ECT2: variants seen among roughly 807,000 people sequenced by gnomAD.
ECT2 encodes protein ECT2.
In ECT2, 61 loss-of-function variants were observed where a neutral mutation model predicts 116.9. That is an observed-to-expected ratio of 0.52 (90% CI 0.42 to 0.65). ECT2 has a LOEUF of 0.65. Ranked by LOEUF, ECT2 falls within the 30% of genes least tolerant of loss-of-function variation. ECT2 has a pLI of 0.00. For missense variants in ECT2, 937 were observed against 1,078.7 expected (o/e 0.87, Z 1.84); for synonymous variants, 358 against 346.4 (o/e 1.03, Z -0.37).
At chr3:172,812,056 C>G (rs1728859304) in intron 22 of ECT2, among the ~76,000 whole-genome samples, 1 of 150,666 alleles carries the variant, frequency 6.6e-6, no homozygotes, top group Non-Finnish European at 1.5e-5. Flanking sequence ...ACAATCTTGG[C>G]TCACTACAAC....
At chr3:172,768,771 C>T (rs540481509) in intron 12 of ECT2, among the ~76,000 whole-genome samples, 24 of 152,270 alleles carry the variant, frequency 1.6e-4, no homozygotes, top group African/African-American at 5.5e-4. Flanking sequence ...ATAACCTTGA[C>T]GTTTTTGAAG....
chr3:172,757,216 A>G (rs766808746), intron 5 of ECT2, 51 bp downstream of exon 5: 7 of 1,310,444 alleles, frequency 5.3e-6, no homozygotes, highest in Non-Finnish European at 7.0e-6. Flanking sequence ...TTTATTAATG[A>G]ATTTTAATTA....
chr3:172,800,075 C>T (rs1228537944), intron 18 of ECT2, among the ~76,000 whole-genome samples: 1 of 152,152 alleles, frequency 6.6e-6, no homozygotes, highest in Non-Finnish European at 1.5e-5. Flanking sequence ...ATTAAGCCTA[C>T]CTTCAAGATG....
intron 21 of ECT2, among the ~76,000 whole-genome samples, chr3:172,806,307 T>C (rs181973598): frequency 7.4e-4 from 112 of 152,256 alleles, no homozygotes; most frequent in Non-Finnish European, 1.4e-3. Context: ...GGAATAGATG[T>C]GGGTGCAATA....
At chr3:172,801,149 T>A (rs1285282825) in intron 18 of ECT2, among the ~76,000 whole-genome samples, 2 of 152,206 alleles carry the variant, frequency 1.3e-5, no homozygotes, top group African/African-American at 4.8e-5. Flanking sequence ...TATTTTCCTG[T>A]CATTGCATGC....
chr3:172,755,047 C>T (rs1264517806), intron 2 of ECT2, among the ~76,000 whole-genome samples: 2 of 151,584 alleles, frequency 1.3e-5, no homozygotes, highest in Non-Finnish European at 1.5e-5. Context: ...TGTAAGATAG[C>T]GCATTCTCTG....
chr3:172,784,641 GTAAAAGTAGGGCA>G, intron 16 of ECT2, 53 bp from the exon 17 acceptor site: 1 of 1,188,242 alleles, frequency 8.4e-7, no homozygotes, highest in Non-Finnish European at 1.3e-6. Flanking sequence ...GTGTACTCCA[GTAAAAGTAGGGCA>G]TATAATCTTT....
chr3:172,786,710 T>TA (rs1723667273), intron 18 of ECT2, 136 bp downstream of exon 18: 1 of 600,226 alleles, frequency 1.7e-6, no homozygotes, highest in Non-Finnish European at 3.0e-6. Flanking sequence ...ATAGTGTAGT[T>TA]ACACATTAAA....
intron 1 of ECT2, chr3:172,751,062 C>G (rs1397131707): frequency 6.6e-6 from 1 of 152,294 alleles, no homozygotes; most frequent in Non-Finnish European, 1.5e-5. Flanking sequence ...ACCGAAGCCC[C>G]CAGTATTGCT....
intron 23 of ECT2, 143 bp from the exon 24 acceptor site, chr3:172,816,548 T>G: frequency 3.6e-6 from 2 of 558,642 alleles, no homozygotes; most frequent in Non-Finnish European, 5.8e-6. Flanking sequence ...ATTTCCTCAC[T>G]GTTTTGTGCC....
chr3:172,793,850 T>C (rs1384249198), intron 18 of ECT2, among the ~76,000 whole-genome samples: 6 of 152,220 alleles, frequency 3.9e-5, no homozygotes, highest in African/African-American at 1.4e-4. Context: ...TGACAAATGA[T>C]GTTAAATGTC....
chr3:172,751,337 G>A (rs1715763334), intron 1 of ECT2, among the ~76,000 whole-genome samples: 2 of 152,334 alleles, frequency 1.3e-5, no homozygotes, highest in South Asian at 4.1e-4. Flanking sequence ...CGGCACAGAT[G>A]TGTCCGGCTT....
chr3:172,762,715 A>G lies in ECT2; in HGVS notation c.914A>G (p.Asp305Gly), dbSNP rs753237241. Residue 305 changes from aspartate to glycine, a missense_variant, in exon 10 of 25, where the codon GAT becomes GGT. By Grantham distance (94) the Asp-to-Gly change is moderately conservative (BLOSUM62 -1). Transcript: ENST00000392692. Reference protein sequence around the residue: ...MQGGKYLPLGDERCTHLVVEE... With the variant: ...MQGGKYLPLGGERCTHLVVEE... Reference sequence around the variant, plus strand: ...GGAGGTAAATATTTACCGCTTGGAGATGAAAGATGCACTCACCTTGTAGTT... The same window carrying G: ...GGAGGTAAATATTTACCGCTTGGAGGTGAAAGATGCACTCACCTTGTAGTT... 2 of 1,611,670 alleles carry G rather than the reference A, an allele frequency of 1.2e-6. No individual in the cohort carries two copies. The highest frequency in any genetic ancestry group is 2.2e-5 in the East Asian group (1 of 44,806).
intron 12 of ECT2, 32 bp downstream of exon 12, chr3:172,764,532 A>G: frequency 6.4e-7 from 1 of 1,561,066 alleles, no homozygotes; most frequent in Non-Finnish European, 8.8e-7. Flanking sequence ...TTGTCTTTAA[A>G]GTTTAGTGGA....
At chr3:172,790,216 C>A (rs1724411039) in intron 18 of ECT2, among the ~76,000 whole-genome samples, 1 of 152,164 alleles carries the variant, frequency 6.6e-6, no homozygotes, top group African/African-American at 2.4e-5. Flanking sequence ...TGAATCCTTT[C>A]CAGTAGGTTT....
Position 172,754,549 on chromosome 3 carries a change from T to C in ECT2, c.19T>C (p.Leu7=), listed in dbSNP as rs1322345114. 2 of 1,604,774 alleles carry C rather than the reference T, an allele frequency of 1.2e-6. No individual in the cohort carries two copies. Among genetic ancestry groups the C allele is most frequent in the African/African-American group, 2.7e-5 (2 of 74,360 alleles). Residue 7 remains leucine (L), a synonymous_variant, in exon 2 of 25, where the codon TTA becomes CTA. Coordinates refer to ENST00000392692, the MANE Select transcript of ECT2 (RefSeq NM_001258315.2). ...ACAAATCATGGCTGAAAATAGTGTA[T>C]TAACATCCACTACTGGGAGGACTAG... MAENSV[L]TSTTGRTSLA...
chr3:172,814,939 A>G (rs945025876), intron 22 of ECT2, among the ~76,000 whole-genome samples: 1 of 152,106 alleles, frequency 6.6e-6, no homozygotes, highest in African/African-American at 2.4e-5. Context: ...CTGTTGACCA[A>G]TCTCACTCCA....
At position 172,783,771 on chromosome 3, in the gene ECT2, A is replaced by G. The variant is rs377473487; in HGVS notation, c.1618-28A>G. 2.1e-3 allele frequency: 3,013 copies of G among 1,410,392 alleles called. 7 individuals are homozygous for G. Among genetic ancestry groups the G allele is most frequent in the Non-Finnish European group, 2.9e-3 (2,863 of 1,001,250 alleles). 87.4% of individuals were successfully genotyped at this position (1,410,392 alleles called of 1,614,324 possible). On this transcript the variant is annotated intron_variant, in intron 15 of 24. Transcript: ENST00000392692. ...TCTAAGGGTGACAAATGCATAATAA[A>G]TAATGTTTTTTTCCCTTTTCTTCCT...
At chr3:172,816,039 G>A (rs1455651565) in intron 23 of ECT2, among the ~76,000 whole-genome samples, 1 of 152,042 alleles carries the variant, frequency 6.6e-6, no homozygotes, top group African/African-American at 2.4e-5. Context: ...AAGGGCACAC[G>A]GTAGTCAGGG....
Sources: gnomAD v4.1 joint callset for allele counts (sites outside exome capture counted in the v4.1 genomes callset) on GRCh38, gnomAD v4.1.1 for gene constraint, MANE v1.5 for transcripts, NCBI Gene and HGNC (gene_info 2026-07-23, HGNC 2026-07-21) for gene names.